The following DOCK5 variants were observed in gnomAD, a reference collection of about 807,000 sequenced individuals.
DOCK5 encodes dedicator of cytokinesis 5.
In DOCK5, 142 loss-of-function variants were observed where a neutral mutation model predicts 251.8. That is an observed-to-expected ratio of 0.56 (90% confidence interval 0.49 to 0.65). The LOEUF is 0.65. Among genes scored for constraint, DOCK5 ranks in the 30% least tolerant of loss-of-function variants. DOCK5 has a pLI of 0.00. For missense variants in DOCK5, 2,111 were observed against 2,312.3 expected (o/e 0.91, Z 1.79); for synonymous variants, 842 against 835.5 (o/e 1.01, Z -0.13).
chr8:25,271,828 A>C (rs1211409980), intron 3 of DOCK5, among the ~76,000 whole-genome samples: 1 of 152,156 alleles, frequency 6.6e-6, no homozygotes, highest in Admixed American at 6.5e-5. Context: ...GTTTACTCTG[A>C]CTTTCTGTGT....
At chr8:25,281,050 C>T in intron 5 of DOCK5, among the ~76,000 whole-genome samples, 1 of 149,276 alleles carries the variant, frequency 6.7e-6, no homozygotes. Context: ...TAAAACACAA[C>T]TGGTGTGCCC....
chr8:25,353,212 T>G (rs995994641), intron 27 of DOCK5, among the ~76,000 whole-genome samples: 13 of 152,166 alleles, frequency 8.5e-5, no homozygotes, highest in Non-Finnish European at 1.8e-4. Flanking sequence ...CAGTGATTAG[T>G]GCCTGTACGC....
intron 35 of DOCK5, 62 bp from the exon 36 acceptor site, chr8:25,373,556 A>G (rs916865562): frequency 1.1e-5 from 16 of 1,482,726 alleles, no homozygotes; most frequent in African/African-American, 8.4e-5. Context: ...TGGTTTGTCT[A>G]TTTTTGTGTC....
intron 5 of DOCK5, among the ~76,000 whole-genome samples, chr8:25,282,494 C>T (rs367948979): frequency 6.6e-6 from 1 of 152,078 alleles, no homozygotes. Flanking sequence ...TAGTATGTAG[C>T]AATACTTGTA....
chr8:25,224,992 T>C (rs768319462), intron 1 of DOCK5, among the ~76,000 whole-genome samples: 5 of 152,206 alleles, frequency 3.3e-5, no homozygotes, highest in Non-Finnish European at 5.9e-5. Context: ...GAAAAGATTC[T>C]CAGCACCACT....
At chr8:25,215,873 T>A (rs1802229734) in intron 1 of DOCK5, among the ~76,000 whole-genome samples, 1 of 151,582 alleles carries the variant, frequency 6.6e-6, no homozygotes. Context: ...CTATATTAGA[T>A]TATTAAAAGT....
intron 20 of DOCK5, among the ~76,000 whole-genome samples, chr8:25,333,383 G>T (rs1485607325): frequency 1.3e-5 from 2 of 152,280 alleles, no homozygotes; most frequent in East Asian, 1.9e-4. Flanking sequence ...AATGATTAGG[G>T]TATTAAAGCT....
chr8:25,313,427 T>G (rs909551808), intron 13 of DOCK5, among the ~76,000 whole-genome samples: 2 of 152,126 alleles, frequency 1.3e-5, no homozygotes, highest in African/African-American at 4.8e-5. Context: ...TTTCCTTCCC[T>G]TCTCATTGGT....
intron 1 of DOCK5, among the ~76,000 whole-genome samples, chr8:25,204,813 A>G (rs1801962290): frequency 6.6e-6 from 1 of 152,118 alleles, no homozygotes; most frequent in South Asian, 2.1e-4. Context: ...TCTGGTTTCC[A>G]CTTCTCAGAT....
At position 25,258,449 on chromosome 8, in the gene DOCK5, TC is replaced by T. The variant is rs368133314; in HGVS notation, c.128-10391del. Among the ~76,000 whole-genome samples, 342 of 151,950 alleles carry T rather than the reference TC, an allele frequency of 2.3e-3. 1 individual carries two copies. Among genetic ancestry groups the T allele is most frequent in the African/African-American group, 7.4e-3 (307 of 41,454 alleles). Reference sequence around the variant, plus strand: ...AAATTGACAAGGGAAAAAAATGGAGTCCCCCAGAGCTGGTTACTGTGGAGCT... The same window carrying T: ...AAATTGACAAGGGAAAAAAATGGAGTCCCCAGAGCTGGTTACTGTGGAGCT... On this transcript the variant is annotated intron_variant, in intron 2 of 51. Coordinates refer to ENST00000276440, the MANE Select transcript of DOCK5 (RefSeq NM_024940.8).
At chr8:25,251,359 T>C (rs1222219523) in intron 2 of DOCK5, among the ~76,000 whole-genome samples, 1 of 149,418 alleles carries the variant, frequency 6.7e-6, no homozygotes, top group South Asian at 2.2e-4. Context: ...GCACAAATGC[T>C]TGGACTGGAA....
intron 33 of DOCK5, 109 bp downstream of exon 33, chr8:25,368,834 G>T: frequency 8.6e-7 from 1 of 1,162,796 alleles, no homozygotes. Flanking sequence ...AGTCCATGTT[G>T]ATCTGAAAGT....
intron 3 of DOCK5, among the ~76,000 whole-genome samples, chr8:25,272,912 T>C (rs1488648763): frequency 1.3e-5 from 2 of 152,110 alleles, no homozygotes; most frequent in African/African-American, 4.8e-5. Context: ...GTACTTTCTG[T>C]CTTTATGAAT....
chr8:25,247,498 A>G (rs1305790833), intron 2 of DOCK5, among the ~76,000 whole-genome samples: 1 of 152,026 alleles, frequency 6.6e-6, no homozygotes, highest in African/African-American at 2.4e-5. Flanking sequence ...TTGGGAGGCT[A>G]AGGTGGGAGG....
Position 25,342,561 on chromosome 8 carries a change from C to A in DOCK5, c.2617+54C>A. 3 of 1,331,462 alleles carry A rather than the reference C, an allele frequency of 2.3e-6. No homozygotes were observed. The Admixed American group carries it at 6.0e-5, about 27-fold the overall frequency. The allele number at this position is 1,331,462 out of a possible 1,614,324, so 82.5% of individuals were successfully genotyped here. A position where few individuals can be genotyped will look rare whatever the true frequency, so the allele number is the denominator to read the frequency against. ...AGGTTGCAGTGAGCTGAGATTGCAC[C>A]ATTGCACTCCAGCCTGGGTGACAGA... On this transcript the variant is annotated intron_variant, in intron 25 of 51. Transcript: ENST00000276440.
intron 2 of DOCK5, among the ~76,000 whole-genome samples, chr8:25,258,377 A>G (rs1296053327): frequency 6.6e-6 from 1 of 152,148 alleles, no homozygotes; most frequent in Non-Finnish European, 1.5e-5. Context: ...AAATATTGTA[A>G]TGTTTTTGTG....
intron 22 of DOCK5, among the ~76,000 whole-genome samples, chr8:25,339,925 C>T (rs935065606): frequency 6.6e-6 from 1 of 152,076 alleles, no homozygotes; most frequent in African/African-American, 2.4e-5. Flanking sequence ...TTTAAGAGGC[C>T]ATTGTGGTTT....
chr8:25,333,929 A>G (rs946999182), intron 20 of DOCK5, among the ~76,000 whole-genome samples, 167 bp from the exon 21 acceptor site: 1 of 152,146 alleles, frequency 6.6e-6, no homozygotes, highest in Non-Finnish European at 1.5e-5. Flanking sequence ...ATTTATGCTA[A>G]ATAAATACAA....
intron 2 of DOCK5, among the ~76,000 whole-genome samples, chr8:25,250,501 G>C (rs1036048254): frequency 1.3e-5 from 2 of 152,134 alleles, no homozygotes; most frequent in Non-Finnish European, 2.9e-5. Context: ...TACTGTGAAC[G>C]TTCCTTTCCA....
Sources: gnomAD v4.1 joint callset for allele counts (sites outside exome capture counted in the v4.1 genomes callset) on GRCh38, gnomAD v4.1.1 for gene constraint, MANE v1.5 for transcripts, NCBI Gene and HGNC (gene_info 2026-07-23, HGNC 2026-07-21) for gene names.